VWA3B: variants seen among roughly 807,000 people sequenced by gnomAD.
VWA3B encodes the protein von Willebrand factor A domain containing 3B.
Under a neutral mutation model 158.3 loss-of-function variants are expected in VWA3B, and 138 were observed. The ratio of observed to expected loss-of-function variants is 0.87; its 90% CI spans 0.76 to 1.00. The LOEUF is 1.00. VWA3B is among the 50% of genes least tolerant of loss of function. The pLI is 0.00. For synonymous variants in VWA3B, 596 were observed against 587.3 expected, an observed-to-expected ratio of 1.01 and a Z score of -0.21; for missense variants, 1,555 against 1,565.1, an observed-to-expected ratio of 0.99 and a Z score of 0.11.
chr2:98,250,318 G>A lies in VWA3B; in HGVS notation c.2674G>A (p.Val892Met), dbSNP rs570698653. 3.1e-6 allele frequency: 5 copies of A among 1,609,422 alleles called. No homozygotes were observed. Among genetic ancestry groups the A allele is most frequent in the East Asian group, 2.2e-5 (1 of 44,660 alleles). ...CCTTTCCTTTGCCATTGACATGCAG[G>A]TGTTCCCTCTGGCACATGTGTGCAA... ...KHVVSKVFDEVFPLAHVCNDT... is the reference protein window; with the variant it reads ...KHVVSKVFDEMFPLAHVCNDT... The change falls in exon 20 of 28, where the codon GTG becomes ATG. Residue 892 changes from valine to methionine, a missense_variant and splice_region_variant. Transcript: ENST00000477737.
chr2:98,322,084 G>A, the VWA3B span, among the ~76,000 whole-genome samples: 1 of 152,144 alleles, frequency 6.6e-6, no homozygotes, highest in Non-Finnish European at 1.5e-5. Context: ...CTTGCCTTCT[G>A]CCATGATTGT....
chr2:98,258,264 G>A (rs1240841430), intron 21 of VWA3B, among the ~76,000 whole-genome samples: 1 of 151,674 alleles, frequency 6.6e-6, no homozygotes. Flanking sequence ...TTGTAGATTT[G>A]TATTCAGTTT....
chr2:98,300,243 A>G, intron 25 of VWA3B, 27 bp downstream of exon 25: 1 of 1,613,530 alleles, frequency 6.2e-7, no homozygotes, highest in Non-Finnish European at 8.5e-7. Context: ...TTAGAAAAGG[A>G]CTTTCTCCTG....
At chr2:98,203,021 C>T (rs531470384) in intron 12 of VWA3B, among the ~76,000 whole-genome samples, 71 of 152,152 alleles carry the variant, frequency 4.7e-4, no homozygotes, top group Admixed American at 1.6e-3. Context: ...TTAGTAGAGA[C>T]GGGGTTTCTC....
intron 25 of VWA3B, among the ~76,000 whole-genome samples, chr2:98,302,748 A>T (rs183342806): frequency 1.3e-5 from 2 of 152,344 alleles, no homozygotes; most frequent in East Asian, 3.9e-4. Flanking sequence ...CCTACCCTCT[A>T]AACTACCATG....
rs190059593 is a variant in VWA3B, at chr2:98,148,203, A to G, written c.988+14264A>G. Among the ~76,000 whole-genome samples, 18 of 152,316 alleles carry G rather than the reference A, an allele frequency of 1.2e-4. No individual in the cohort carries two copies. In the East Asian group the frequency reaches 2.5e-3, roughly 21 times the overall value. On this transcript the variant is annotated intron_variant, in intron 7 of 27. Transcript: ENST00000477737. ...AATCTCTCATGTTGAATTGCTTTCCAAAAAATACTTTAAGACAATATAATT... is the reference window on the plus strand; with the variant it reads ...AATCTCTCATGTTGAATTGCTTTCCGAAAAATACTTTAAGACAATATAATT...
chr2:98,173,673 A>T (rs1679777201), intron 8 of VWA3B, among the ~76,000 whole-genome samples: 1 of 152,248 alleles, frequency 6.6e-6, no homozygotes, highest in Non-Finnish European at 1.5e-5. Context: ...TTGTTAAAAA[A>T]TGACTGTGGA....
In VWA3B at chr2:98,255,182, A is replaced by ATTTTTT. The variant is rs769708577; in HGVS notation, c.2793-918_2793-913dup. Among the ~76,000 whole-genome samples the ATTTTTT allele has an allele frequency of 1.9e-4, 10 of 52,158 alleles. 3 individuals carry two copies. Among genetic ancestry groups the ATTTTTT allele is most frequent in the East Asian group, 7.5e-4 (1 of 1,326 alleles). 34.2% of individuals were successfully genotyped at this position (52,158 alleles called of 152,430 possible). ...TCGCCCGCCACCACGCCCGGCTGAT[A>ATTTTTT]TTTTTTTTTTTTTTTTTTTTTTTTT... On this transcript the variant is annotated intron_variant, in intron 20 of 27. Transcript: ENST00000477737.
intron 2 of VWA3B, among the ~76,000 whole-genome samples, chr2:98,110,114 T>G (rs1041092271): frequency 6.6e-5 from 10 of 151,498 alleles, no homozygotes; most frequent in African/African-American, 2.4e-4. Context: ...CCCCCTACCC[T>G]CTTTCTCTTC....
chr2:98,212,672 A>C (rs948638545), intron 13 of VWA3B, among the ~76,000 whole-genome samples: 1 of 152,260 alleles, frequency 6.6e-6, no homozygotes, highest in Non-Finnish European at 1.5e-5. Flanking sequence ...GATGGTTTGC[A>C]TATGCAGACT....
rs766505766 is a variant in VWA3B, at chr2:98,236,673, C to T, written c.2616C>T (p.His872=). The change falls in exon 19 of 28, where the codon CAC becomes CAT. Residue 872 remains histidine (H), a synonymous_variant. Transcript: ENST00000477737. ...MDALSVAAVP[H]SSTYVPVLDK... ...CCTTGTCAGTGGCAGCAGTCCCGCA[C>T]AGCTCCACCTATGTTCCCGTCCTGG... 2 of 1,614,244 alleles carry T rather than the reference C, an allele frequency of 1.2e-6. No homozygotes were observed. Among genetic ancestry groups the T allele is most frequent in the East Asian group, 4.5e-5 (2 of 44,892 alleles).
chr2:98,285,020 AT>A (rs1689083339), intron 22 of VWA3B, among the ~76,000 whole-genome samples: 1 of 152,150 alleles, frequency 6.6e-6, no homozygotes, highest in Non-Finnish European at 1.5e-5. Flanking sequence ...AACCAAAAAC[AT>A]TTTTACCTTA....
chr2:98,284,536 G>A (rs1034528168), intron 22 of VWA3B, among the ~76,000 whole-genome samples: 1 of 152,182 alleles, frequency 6.6e-6, no homozygotes, highest in South Asian at 2.1e-4. Context: ...TTTCTTAAGA[G>A]GAGGCCTGCA....
rs1159015512 is a variant in VWA3B, at chr2:98,234,752, G to A, written c.2413G>A (p.Ala805Thr). The A allele has an allele frequency of 6.2e-7, 1 of 1,614,058 alleles. No homozygotes were observed. Among genetic ancestry groups the A allele is most frequent in the Non-Finnish European group, 8.5e-7 (1 of 1,180,030 alleles). The change falls in exon 17 of 28, where the codon GCT becomes ACT. Residue 805 changes from alanine to threonine, a missense_variant. By Grantham distance (58) the Ala-to-Thr change is moderately conservative. Coordinates refer to ENST00000477737, the MANE Select transcript of VWA3B (RefSeq NM_144992.5). ...CTCCAATGCCAGCAGCCGGAGGACT[G>A]CTCTAAGTGACAAAGGCAAGCCAGA... ...GLSNASSRRT[A>T]LSDKEMSILL...
chr2:98,210,418 A>G (rs541195017), intron 12 of VWA3B, among the ~76,000 whole-genome samples: 168 of 152,306 alleles, frequency 1.1e-3, no homozygotes, highest in African/African-American at 3.8e-3. Flanking sequence ...ACACCATCCT[A>G]TGAACCCCCT....
chr2:98,141,189 A>G (rs1487411583), intron 7 of VWA3B, among the ~76,000 whole-genome samples: 1 of 152,218 alleles, frequency 6.6e-6, no homozygotes, highest in Non-Finnish European at 1.5e-5. Context: ...AGAATCTGAA[A>G]CAGAGGCCTG....
chr2:98,329,646 C>T, the VWA3B span, among the ~76,000 whole-genome samples: 6 of 152,032 alleles, frequency 3.9e-5, no homozygotes, highest in Admixed American at 1.3e-4. Context: ...AGCTAGGCCA[C>T]GGTGCTCAGT....
chr2:98,127,502 GC>G (rs1675463170), intron 5 of VWA3B, among the ~76,000 whole-genome samples: 1 of 149,260 alleles, frequency 6.7e-6, no homozygotes, highest in African/African-American at 2.5e-5. Context: ...CAATTCAGCA[GC>G]TGGCACTTCT....
chr2:98,191,549 A>G (rs1020509896), intron 10 of VWA3B, among the ~76,000 whole-genome samples: 1 of 152,230 alleles, frequency 6.6e-6, no homozygotes, highest in Non-Finnish European at 1.5e-5. Context: ...GGTCGCCTTT[A>G]GCCCAGGGCT....
Sources: allele counts gnomAD v4.1 joint callset (sites outside exome capture counted in the v4.1 genomes callset), GRCh38; gene constraint gnomAD v4.1.1; transcripts MANE v1.5; gene names NCBI Gene and HGNC (gene_info 2026-07-23, HGNC 2026-07-21).